Variants in MGMT observed in about 807,000 individuals in gnomAD.
MGMT encodes methylated-DNA--protein-cysteine methyltransferase.
A neutral mutation model predicts 15.9 loss-of-function variants in MGMT; 14 were observed. That is an observed-to-expected ratio of 0.88 (90% CI 0.58 to 1.37). The LOEUF is 1.37. Among genes scored for constraint, MGMT ranks in the 40% most tolerant of loss-of-function variants. The probability of loss-of-function intolerance (pLI) is 0.00; values close to 1 mark genes in which losing one functional copy is unlikely to be tolerated. For missense variants in MGMT, 282 were observed against 268.1 expected, an observed-to-expected ratio of 1.05 and a Z score of -0.36; for synonymous variants, 130 against 118.2, an observed-to-expected ratio of 1.10 and a Z score of -0.65.
intron 2 of MGMT, among the ~76,000 whole-genome samples, chr10:129,610,457 C>CT (rs1268180883): frequency 1.3e-5 from 2 of 152,258 alleles, no homozygotes; most frequent in African/African-American, 4.8e-5. Context: ...GCCTGGAACA[C>CT]TTGAGCCCCC....
At chr10:129,681,279 C>T (rs909190002) in intron 2 of MGMT, among the ~76,000 whole-genome samples, 4 of 152,154 alleles carry the variant, frequency 2.6e-5, no homozygotes, top group Non-Finnish European at 5.9e-5. Flanking sequence ...ATTTTAAATG[C>T]CATGATGATA....
At chr10:129,657,703 A>ACACACGCACG (rs1467822718) in intron 2 of MGMT, among the ~76,000 whole-genome samples, 1 of 124,512 alleles carries the variant, frequency 8.0e-6, no homozygotes, top group Admixed American at 7.6e-5. Context: ...ACACACACAC[A>ACACACGCACG]CACGCACACA....
At chr10:129,600,450 A>G (rs555282388) in intron 2 of MGMT, among the ~76,000 whole-genome samples, 1 of 152,230 alleles carries the variant, frequency 6.6e-6, no homozygotes, top group Non-Finnish European at 1.5e-5. Flanking sequence ...GCAGTCACCC[A>G]TTCTCATTAA....
Position 129,687,854 on chromosome 10 carries a change from C to A in MGMT, c.126-20041C>A, listed in dbSNP as rs576237347. ...TAATGCTATCCCTCCCCCAGCCCCC[C>A]ACCCCACAACAGGCCCTGGTGTGTG... On this transcript the variant is annotated intron_variant, in intron 2 of 4. Transcript: ENST00000651593. Among the ~76,000 whole-genome samples the A allele has an allele frequency of 3.3e-5, 5 of 152,090 alleles. No homozygotes were observed. The East Asian group carries it at 5.8e-4, about 18-fold the overall frequency.
At chr10:129,643,498 G>A (rs947247111) in intron 2 of MGMT, among the ~76,000 whole-genome samples, 15 of 152,168 alleles carry the variant, frequency 9.9e-5, no homozygotes, top group African/African-American at 3.6e-4. Flanking sequence ...CTCAGAAGAC[G>A]TGGACGGCAG....
At chr10:129,584,933 A>G (rs546834146) in intron 2 of MGMT, among the ~76,000 whole-genome samples, 1 of 152,330 alleles carries the variant, frequency 6.6e-6, no homozygotes, top group East Asian at 1.9e-4. Context: ...TGCAGTGAAC[A>G]TTTGTGTATA....
At chr10:129,589,668 G>A (rs1488647273) in intron 2 of MGMT, among the ~76,000 whole-genome samples, 5 of 152,198 alleles carry the variant, frequency 3.3e-5, no homozygotes, top group Admixed American at 1.3e-4. Context: ...TATGGCCTGC[G>A]GCGGGGCTGC....
At chr10:129,737,045 G>C (rs2133167654) in intron 3 of MGMT, among the ~76,000 whole-genome samples, 1 of 152,130 alleles carries the variant, frequency 6.6e-6, no homozygotes, top group East Asian at 1.9e-4. Flanking sequence ...TCTTGGAGTT[G>C]CTCTTCTCGA....
At chr10:129,606,000 T>C (rs1452081040) in intron 2 of MGMT, among the ~76,000 whole-genome samples, 2 of 152,300 alleles carry the variant, frequency 1.3e-5, no homozygotes, top group East Asian at 3.9e-4. Flanking sequence ...GTGGGATTTG[T>C]GAGGGCTGCG....
intron 2 of MGMT, among the ~76,000 whole-genome samples, chr10:129,547,293 T>C (rs527667654): frequency 2.6e-5 from 4 of 152,284 alleles, no homozygotes; most frequent in Admixed American, 2.0e-4. Context: ...GGGTCATCTC[T>C]AGTTTCACTG....
intron 2 of MGMT, among the ~76,000 whole-genome samples, chr10:129,624,816 A>G (rs1194387072): frequency 6.6e-6 from 1 of 152,228 alleles, no homozygotes; most frequent in Non-Finnish European, 1.5e-5. Flanking sequence ...CACACCTTAA[A>G]CATAGCCTAA....
intron 1 of MGMT, among the ~76,000 whole-genome samples, chr10:129,485,443 C>T (rs1314867862): frequency 2.6e-5 from 4 of 152,180 alleles, no homozygotes; most frequent in African/African-American, 9.7e-5. Context: ...GGGAGCATAG[C>T]CCCTGGCTGC....
chr10:129,528,877 G>A (rs2027137), intron 1 of MGMT, among the ~76,000 whole-genome samples: 37,807 of 152,044 alleles, frequency 0.25, 5,653 homozygotes, highest in African/African-American at 0.43. Flanking sequence ...GCTTCTCCTC[G>A]CTCTTTGGCT....
intron 3 of MGMT, among the ~76,000 whole-genome samples, chr10:129,730,286 T>G (rs1049014367): frequency 3.3e-5 from 5 of 152,172 alleles, no homozygotes; most frequent in Non-Finnish European, 7.3e-5. Flanking sequence ...AGACGTGAAC[T>G]GATGCTGGCC....
chr10:129,604,732 G>GCCCCCCCCCCCCCCCCCCCCCCCCCC (rs1478497597), intron 2 of MGMT, among the ~76,000 whole-genome samples: 1 of 87,584 alleles, frequency 1.1e-5, no homozygotes, highest in Non-Finnish European at 2.4e-5. Flanking sequence ...CCACCTCGCC[G>GCCCCCCCCCCCCCCCCCCCCCCCCCC]CCCCACCCCC....
At chr10:129,723,757 G>A (rs1375822023) in intron 3 of MGMT, among the ~76,000 whole-genome samples, 1 of 152,138 alleles carries the variant, frequency 6.6e-6, no homozygotes, top group African/African-American at 2.4e-5. Context: ...ATAATACACA[G>A]ATTGGCCCCT....
intron 3 of MGMT, among the ~76,000 whole-genome samples, chr10:129,730,098 G>A (rs1848479257): frequency 6.6e-6 from 1 of 152,214 alleles, no homozygotes; most frequent in Non-Finnish European, 1.5e-5. Context: ...ACACCAGCAA[G>A]AAGCTTCTAG....
At chr10:129,670,464 C>T (rs549935360) in intron 2 of MGMT, among the ~76,000 whole-genome samples, 2 of 151,760 alleles carry the variant, frequency 1.3e-5, no homozygotes, top group African/African-American at 4.8e-5. Flanking sequence ...TAAGAAACCA[C>T]AAAGAAGAGA....
intron 2 of MGMT, among the ~76,000 whole-genome samples, chr10:129,639,705 A>G (rs1421845586): frequency 6.6e-6 from 1 of 152,226 alleles, no homozygotes; most frequent in Admixed American, 6.5e-5. Flanking sequence ...AGGGAAATTT[A>G]TAACATTAAG....
Sources: gnomAD v4.1 joint callset for allele counts (sites outside exome capture counted in the v4.1 genomes callset) on GRCh38, gnomAD v4.1.1 for gene constraint, MANE v1.5 for transcripts, NCBI Gene and HGNC (gene_info 2026-07-23, HGNC 2026-07-21) for gene names.